The following MED6 variants were observed in gnomAD, a reference collection of about 807,000 sequenced individuals.
MED6 encodes the protein mediator of RNA polymerase II transcription subunit 6.
Under a neutral mutation model 37.5 loss-of-function variants are expected in MED6, and 33 were observed. The ratio of observed to expected loss-of-function variants is 0.88; its 90% CI spans 0.67 to 1.18. The LOEUF (loss-of-function observed/expected upper bound fraction) is 1.18. MED6 is among the 50% of genes most tolerant of loss of function. The pLI is 0.00. For missense variants in MED6, 235 were observed against 290.6 expected (o/e 0.81, Z 1.39); for synonymous variants, 94 against 93.6 (o/e 1.00, Z -0.02).
At position 70,595,448 on chromosome 14, in the gene MED6, G is replaced by A. The variant is rs983509067; in HGVS notation, c.274+1163C>T. The A allele has an allele frequency of 4.7e-5, 28 of 600,942 alleles. No individual in the cohort carries two copies. In the Middle Eastern group the frequency reaches 1.7e-3, roughly 37 times the overall value. 37.2% of individuals were successfully genotyped at this position (600,942 alleles called of 1,614,324 possible). On this transcript the variant is annotated intron_variant, in intron 3 of 7. Transcript: ENST00000256379. ...TCACGGAGCTGAGAGGTACGGTCCA[G>A]TCCTTGGAGACTGACCTGGACTCGA...
chr14:70,590,915 A>G (rs1273281755), intron 6 of MED6, among the ~76,000 whole-genome samples: 1 of 152,218 alleles, frequency 6.6e-6, no homozygotes, highest in African/African-American at 2.4e-5. Flanking sequence ...GATATCTACT[A>G]CATCAGGCTG....
At chr14:70,593,878 C>G (rs1047222629) in intron 3 of MED6, among the ~76,000 whole-genome samples, 1 of 152,110 alleles carries the variant, frequency 6.6e-6, no homozygotes, top group African/African-American at 2.4e-5. Context: ...TGCTTTTGTG[C>G]CCCAGTGCTG....
At chr14:70,595,271 G>T in intron 3 of MED6, 1 of 547,908 alleles carries the variant, frequency 1.8e-6, no homozygotes, top group South Asian at 1.4e-5. Flanking sequence ...CAAATCTCAG[G>T]ACCTCGCCAA....
In MED6 at chr14:70,584,693, A is replaced by C; in HGVS notation, c.*120T>G. The C allele has an allele frequency of 7.6e-7, 1 of 1,320,136 alleles. No homozygotes were observed. Among genetic ancestry groups the C allele is most frequent in the South Asian group, 1.5e-5 (1 of 66,456 alleles). 81.8% of individuals were successfully genotyped at this position (1,320,136 alleles called of 1,614,324 possible). The stretch of plus-strand genomic sequence containing the variant: ...ATCCGGCCTAATATCCTTTCAAAAA[A>C]TAAGCGCATTCCATACAAATAAGAA... On this transcript the variant is annotated 3_prime_UTR_variant, in exon 8 of 8. Transcript: ENST00000256379.
At chr14:70,599,283 G>A (rs558131241) in intron 1 of MED6, among the ~76,000 whole-genome samples, 1 of 152,306 alleles carries the variant, frequency 6.6e-6, no homozygotes, top group South Asian at 2.1e-4. Flanking sequence ...GGAGGAGACA[G>A]ATGAAGTGCG....
chr14:70,593,097 C>A, intron 4 of MED6, 109 bp from the exon 5 acceptor site: 1 of 1,449,826 alleles, frequency 6.9e-7, no homozygotes. Flanking sequence ...TTTTTCAGAA[C>A]CTAAATTACT....
Position 70,584,080 on chromosome 14 carries a change from C to A in MED6, c.*733G>T. The stretch of plus-strand genomic sequence containing the variant: ...GGTGAGTGAGGTTTTTCCTTTTCTT[C>A]ATCTTCCAAAATGTCAGCAACTGTT... On this transcript the variant is annotated 3_prime_UTR_variant, in exon 8 of 8. Transcript: ENST00000256379. 1.6e-6 allele frequency: 1 copy of A among 635,862 alleles called. No homozygotes were observed. The highest frequency in any genetic ancestry group is 2.8e-6 in the Non-Finnish European group (1 of 356,474). The allele number at this position is 635,862 out of a possible 1,614,324, so 39.4% of individuals were successfully genotyped here.
intron 5 of MED6, chr14:70,592,414 C>G (rs1884899674): frequency 6.7e-6 from 1 of 149,742 alleles, no homozygotes; most frequent in Admixed American, 6.6e-5. Flanking sequence ...CAAGATAACT[C>G]AACAGTCAGG....
At position 70,596,138 on chromosome 14, in the gene MED6, T is replaced by C. The variant is rs1885039205; in HGVS notation, c.274+473A>G. ...AGACAATTTGTACAAACAATGTGAT[T>C]ATAGTAGACACCAGATTTCTTTTGG... On this transcript the variant is annotated intron_variant, in intron 3 of 7. Transcript: ENST00000256379. 5 of 186,858 alleles carry C rather than the reference T, an allele frequency of 2.7e-5. 1 individual carries two copies. The South Asian group carries it at 6.0e-4, about 23-fold the overall frequency. The allele number at this position is 186,858 out of a possible 1,614,324, so 11.6% of individuals were successfully genotyped here.
At chr14:70,586,676 G>C (rs578144811) in intron 6 of MED6, among the ~76,000 whole-genome samples, 8 of 152,090 alleles carry the variant, frequency 5.3e-5, no homozygotes, top group African/African-American at 1.9e-4. Context: ...GCCCTCCCTA[G>C]GCCTTCTTAC....
intron 2 of MED6, 184 bp from the exon 3 acceptor site, chr14:70,596,886 AAAGT>A (rs1459702594): frequency 4.4e-5 from 22 of 498,858 alleles, no homozygotes; most frequent in African/African-American, 1.1e-4. Context: ...GCATATAGAT[AAAGT>A]AAGACTTGTT....
rs758063615 is a variant in MED6 at position 70,584,781 on chromosome 14, G to C, written c.*32C>G. The C allele has an allele frequency of 6.2e-7, 1 of 1,604,374 alleles. No individual in the cohort carries two copies. Among genetic ancestry groups the C allele is most frequent in the Non-Finnish European group, 8.5e-7 (1 of 1,177,128 alleles). ...TACTGAGGTATGATAACTAGCATGA[G>C]GAGTCTTCCAGGCTTCTCTTTTGTC... On this transcript the variant is annotated 3_prime_UTR_variant, in exon 8 of 8. Transcript: ENST00000256379.
chr14:70,600,478 G>A, intron 1 of MED6, 138 bp downstream of exon 1: 1 of 873,252 alleles, frequency 1.1e-6, no homozygotes, highest in Non-Finnish European at 1.8e-6. Flanking sequence ...CTAGATCACA[G>A]CCTTGGGTTG....
chr14:70,598,482 A>G (rs1885111438), intron 1 of MED6, among the ~76,000 whole-genome samples: 1 of 152,172 alleles, frequency 6.6e-6, no homozygotes, highest in African/African-American at 2.4e-5. Flanking sequence ...CTCAAAAAAA[A>G]AAGACATGAA....
intron 6 of MED6, among the ~76,000 whole-genome samples, chr14:70,587,159 T>G (rs189542697): frequency 6.6e-6 from 1 of 152,320 alleles, no homozygotes; most frequent in East Asian, 1.9e-4. Flanking sequence ...TGTTGCTGCA[T>G]TTTCACTGTT....
chr14:70,584,977 A>C, intron 7 of MED6, 34 bp from the exon 8 acceptor site: 1 of 1,605,348 alleles, frequency 6.2e-7, no homozygotes. Context: ...TGGGAGGGAG[A>C]TATGGGTGGG....
chr14:70,589,063 G>T (rs138019599), intron 6 of MED6, among the ~76,000 whole-genome samples: 6 of 152,084 alleles, frequency 3.9e-5, no homozygotes, highest in Non-Finnish European at 7.4e-5. Context: ...GCAAACTACC[G>T]AATGTTCTTT....
intron 6 of MED6, among the ~76,000 whole-genome samples, chr14:70,587,299 T>C (rs1884738131): frequency 6.6e-6 from 1 of 152,236 alleles, no homozygotes; most frequent in Admixed American, 6.5e-5. Context: ...CTTGCTATAT[T>C]ATAGCAATAA....
chr14:70,593,331 C>A lies in MED6; in HGVS notation c.322G>T (p.Ala108Ser). Residue 108 changes from alanine to serine, a missense_variant, in exon 4 of 8, where the codon GCA becomes TCA. Physicochemically the swap from Ala to Ser is moderately conservative, Grantham distance 99 (BLOSUM62 1). Transcript: ENST00000256379. ...TTTATAACTGATCCCAAGTCTGGTG[C>A]CTGATAGATCACTCCAGCAATGATA... ...YYIIAGVIYQ[A>S]PDLGSVINSR... 6.2e-7 allele frequency: 1 copy of A among 1,613,848 alleles called. No homozygotes were observed. The highest frequency in any genetic ancestry group is 1.1e-5 in the South Asian group (1 of 91,076).
Sources: gnomAD v4.1 joint callset for allele counts (sites outside exome capture counted in the v4.1 genomes callset) on GRCh38, gnomAD v4.1.1 for gene constraint, MANE v1.5 for transcripts, NCBI Gene and HGNC (gene_info 2026-07-23, HGNC 2026-07-21) for gene names.